The following ESD variants were observed in gnomAD, a reference collection of about 807,000 sequenced individuals.
ESD encodes the protein esterase D.
ESD carries 34 observed loss-of-function variants against 38.1 expected under a neutral mutation model. The observed-to-expected ratio is 0.89, with a 90% CI of 0.68 to 1.19. The LOEUF is 1.19. Among genes scored for constraint, ESD ranks in the 50% most tolerant of loss-of-function variants. The pLI is 0.00. For synonymous variants in ESD, 97 were observed against 107.0 expected, an observed-to-expected ratio of 0.91 and a Z score of 0.58; for missense variants, 334 against 327.2, an observed-to-expected ratio of 1.02 and a Z score of -0.16.
chr13:46,787,147 C>T, intron 3 of ESD, 38 bp from the exon 4 acceptor site: 2 of 1,170,192 alleles, frequency 1.7e-6, no homozygotes, highest in Non-Finnish European at 2.5e-6. Context: ...TATTAATGCC[C>T]CTCATTAATC....
intron 4 of ESD, chr13:46,785,716 T>G (rs1382496978): frequency 8.6e-5 from 13 of 152,002 alleles, no homozygotes; most frequent in Admixed American, 8.5e-4. Flanking sequence ...CTAAGGAAAC[T>G]GTCCTGTCAT....
rs770048748 is a variant in ESD, at chr13:46,784,245, CACTT to C, written c.256+3_256+6del. ...TTACAAAGGATATCTAGACCACAAACACTTACGAGGGCTGGTATCTGGAGCAATG... is the reference window on the plus strand; with the variant it reads ...TTACAAAGGATATCTAGACCACAAACACGAGGGCTGGTATCTGGAGCAATG... On this transcript the variant is annotated splice_donor_5th_base_variant and intron_variant, in intron 5 of 9. Coordinates refer to ENST00000378720, the MANE Select transcript of ESD (RefSeq NM_001984.2). The C allele has an allele frequency of 6.2e-6, 10 of 1,606,164 alleles. No homozygotes were observed. The highest frequency in any genetic ancestry group is 2.2e-5 in the East Asian group (1 of 44,826).
At chr13:46,780,365 G>A (rs960099498) in intron 7 of ESD, among the ~76,000 whole-genome samples, 1 of 151,674 alleles carries the variant, frequency 6.6e-6, no homozygotes, top group Non-Finnish European at 1.5e-5. Flanking sequence ...AATCTATAGT[G>A]ATATAAAACA....
intron 7 of ESD, 145 bp from the exon 8 acceptor site, chr13:46,780,178 T>C (rs1179536351): frequency 1.9e-6 from 1 of 533,744 alleles, no homozygotes; most frequent in Non-Finnish European, 3.3e-6. Context: ...GTGAACAATT[T>C]TCCTTTTGAT....
At chr13:46,787,214 C>T (rs1875224121) in intron 3 of ESD, 105 bp from the exon 4 acceptor site, 1 of 541,244 alleles carries the variant, frequency 1.8e-6, no homozygotes, top group East Asian at 3.0e-5. Flanking sequence ...TACTAAAGGT[C>T]CAAAATAAGT....
chr13:46,772,875 G>A (rs1026291631), intron 9 of ESD, among the ~76,000 whole-genome samples: 11 of 151,980 alleles, frequency 7.2e-5, no homozygotes, highest in South Asian at 6.2e-4. Flanking sequence ...TAGTAGAGAC[G>A]GGGTTTCGCC....
chr13:46,783,524 TAAC>T (rs1401696241), intron 5 of ESD, among the ~76,000 whole-genome samples: 3 of 145,146 alleles, frequency 2.1e-5, no homozygotes, highest in Non-Finnish European at 4.5e-5. Flanking sequence ...TCGTTTATGA[TAAC>T]AAAATTTTAG....
At chr13:46,794,380 G>A (rs1192182510) in intron 1 of ESD, among the ~76,000 whole-genome samples, 1 of 151,976 alleles carries the variant, frequency 6.6e-6, no homozygotes, top group African/African-American at 2.4e-5. Flanking sequence ...TGTGGCCCAG[G>A]TTGTAGTACA....
rs1874849552 is a variant in ESD, at chr13:46,777,616, T to C, written c.608A>G (p.Asp203Gly). 6.3e-7 allele frequency: 1 copy of C among 1,598,966 alleles called. No homozygotes were observed. Among genetic ancestry groups the C allele is most frequent in the African/African-American group, 1.3e-5 (1 of 74,106 alleles). Reference protein sequence around the residue: ...GTDQSKWKAYDATHLVKSYPG... With the variant: ...GTDQSKWKAYGATHLVKSYPG... ...ATAGGATTTCACAAGGTGGGTAGCATCATAAGCCTGTAAAAAGAGAAGTAA... is the reference window on the plus strand; with the variant it reads ...ATAGGATTTCACAAGGTGGGTAGCACCATAAGCCTGTAAAAAGAGAAGTAA... Residue 203 changes from aspartate to glycine, a missense_variant, in exon 9 of 10, where the codon GAT (aspartate) becomes GGT (glycine). Coordinates refer to ENST00000378720, the MANE Select transcript of ESD (RefSeq NM_001984.2).
chr13:46,777,689 T>C, intron 8 of ESD, 66 bp from the exon 9 acceptor site: 1 of 1,223,204 alleles, frequency 8.2e-7, no homozygotes, highest in Non-Finnish European at 1.1e-6. Flanking sequence ...ACTATACTAG[T>C]ACCAAACAGA....
intron 8 of ESD, among the ~76,000 whole-genome samples, chr13:46,779,724 A>T (rs868669919): frequency 7.6e-5 from 11 of 145,546 alleles, no homozygotes; most frequent in South Asian, 2.1e-4. Flanking sequence ...TATATATATA[A>T]AATAATATAT....
chr13:46,772,911 C>T (rs1191011544), intron 9 of ESD, among the ~76,000 whole-genome samples: 2 of 152,124 alleles, frequency 1.3e-5, no homozygotes, highest in Non-Finnish European at 2.9e-5. Flanking sequence ...GTCTCGATCT[C>T]CTGACCTTGT....
At chr13:46,772,979 T>C (rs576660319) in intron 9 of ESD, among the ~76,000 whole-genome samples, 2 of 152,276 alleles carry the variant, frequency 1.3e-5, no homozygotes, top group East Asian at 1.9e-4. Flanking sequence ...CCACTGCGCC[T>C]GGCCTGGTGT....
intron 4 of ESD, among the ~76,000 whole-genome samples, chr13:46,786,340 G>GA (rs1292086305): frequency 6.6e-6 from 1 of 151,924 alleles, no homozygotes; most frequent in African/African-American, 2.4e-5. Context: ...CAATTTGAAG[G>GA]AAACAAAATT....
In ESD at chr13:46,791,422, T is replaced by G. The variant is rs981501147; in HGVS notation, c.-7-2A>C. 1 of 1,608,512 alleles carries G rather than the reference T, an allele frequency of 6.2e-7. No individual in the cohort carries two copies. Among genetic ancestry groups the G allele is most frequent in the Non-Finnish European group, 8.5e-7 (1 of 1,176,380 alleles). On this transcript the variant is annotated splice_acceptor_variant, in intron 2 of 9. Coordinates refer to ENST00000378720, the MANE Select transcript of ESD (RefSeq NM_001984.2). LOFTEE classifies it low-confidence loss of function (5UTR_SPLICE). ...ATCTGCTTCAATGCCATTCTTTTCC[T>G]ATTAGTAAAGAGTAATCTCATTAAT...
intron 6 of ESD, 86 bp downstream of exon 6, chr13:46,782,581 A>T: frequency 6.8e-7 from 1 of 1,467,462 alleles, no homozygotes; most frequent in African/African-American, 1.4e-5. Flanking sequence ...ACCCTAGTTT[A>T]AAATCCTCAG....
At chr13:46,775,231 A>T (rs998878386) in intron 9 of ESD, among the ~76,000 whole-genome samples, 2 of 151,960 alleles carry the variant, frequency 1.3e-5, no homozygotes, top group African/African-American at 4.8e-5. Flanking sequence ...AGAAAAAATT[A>T]TATAAAATAA....
At chr13:46,784,744 T>C (rs1875131664) in intron 4 of ESD, among the ~76,000 whole-genome samples, 1 of 151,964 alleles carries the variant, frequency 6.6e-6, no homozygotes, top group Middle Eastern at 3.2e-3. Context: ...TTCACAAAAT[T>C]TGTAATAGTA....
intron 8 of ESD, among the ~76,000 whole-genome samples, chr13:46,779,002 C>T (rs1009948446): frequency 6.6e-6 from 1 of 151,604 alleles, no homozygotes; most frequent in African/African-American, 2.4e-5. Context: ...ATTTTTTACC[C>T]ATTCAAGTAT....
Sources: gnomAD v4.1 joint callset for allele counts (sites outside exome capture counted in the v4.1 genomes callset) on GRCh38, gnomAD v4.1.1 for gene constraint, MANE v1.5 for transcripts, NCBI Gene and HGNC (gene_info 2026-07-23, HGNC 2026-07-21) for gene names.